Variants in GABRG2 observed in about 807,000 individuals in gnomAD.
The protein encoded by GABRG2 is gamma-aminobutyric acid receptor subunit gamma-2.
In GABRG2, 16 loss-of-function variants were observed where a neutral mutation model predicts 56.4. The observed-to-expected ratio is 0.28, with a 90% confidence interval of 0.19 to 0.43. GABRG2 has a LOEUF of 0.43. GABRG2 is among the 20% of genes least tolerant of loss of function. The probability of loss-of-function intolerance (pLI) is 1.00; values close to 1 mark genes in which losing one functional copy is unlikely to be tolerated. For synonymous variants in GABRG2, 208 were observed against 205.5 expected, an observed-to-expected ratio of 1.01 and a Z score of -0.10; for missense variants, 327 against 582.7, an observed-to-expected ratio of 0.56 and a Z score of 4.52.
intron 4 of GABRG2, 88 bp from the exon 5 acceptor site, chr5:162,101,147 C>T: frequency 1.1e-6 from 1 of 903,174 alleles, no homozygotes; most frequent in Non-Finnish European, 1.8e-6. Context: ...GAGATATTCT[C>T]TAGAAAAACA....
In GABRG2 at chr5:162,124,570, G is replaced by T. The variant is rs1763193364; in HGVS notation, c.770-17594G>T. The stretch of plus-strand genomic sequence containing the variant: ...TTTTGTTTTTTGATTTTGTTTGTTT[G>T]TTTGTTTGTTTTCCTCCAGGGTGGA... On this transcript the variant is annotated intron_variant, in intron 6 of 9. Transcript: ENST00000639213. Among the ~76,000 whole-genome samples, 3 of 151,834 alleles carry T rather than the reference G, an allele frequency of 2.0e-5. No individual in the cohort carries two copies. In the South Asian group the frequency reaches 6.2e-4, roughly 32 times the overall value.
chr5:162,133,459 CAT>C (rs1398171909), intron 6 of GABRG2, among the ~76,000 whole-genome samples: 1 of 152,024 alleles, frequency 6.6e-6, no homozygotes, highest in African/African-American at 2.4e-5. Context: ...TTATGTAAAA[CAT>C]GTTTTAATAT....
chr5:162,108,441 C>T (rs939596329), intron 6 of GABRG2, among the ~76,000 whole-genome samples: 2 of 152,162 alleles, frequency 1.3e-5, no homozygotes, highest in African/African-American at 4.8e-5. Context: ...CACATTGAAT[C>T]TCAATCTCTT....
chr5:162,114,845 A>G (rs747708965), intron 6 of GABRG2, among the ~76,000 whole-genome samples: 1 of 152,178 alleles, frequency 6.6e-6, no homozygotes, highest in African/African-American at 2.4e-5. Flanking sequence ...AGTTCTATAT[A>G]TGGACATCTG....
chr5:162,118,157 T>C (rs1762748649), intron 6 of GABRG2, among the ~76,000 whole-genome samples: 1 of 151,742 alleles, frequency 6.6e-6, no homozygotes, highest in South Asian at 2.1e-4. Flanking sequence ...GGTAGTTTTA[T>C]CAAGGAAAAA....
chr5:162,069,486 G>A (rs1045150277), intron 1 of GABRG2, among the ~76,000 whole-genome samples: 2 of 152,150 alleles, frequency 1.3e-5, no homozygotes, highest in Non-Finnish European at 2.9e-5. Flanking sequence ...TTGAAACTAG[G>A]CAACTTCTCT....
In GABRG2 at chr5:162,120,321, C is replaced by G. The variant is rs368452450; in HGVS notation, c.769+16295C>G. On this transcript the variant is annotated intron_variant, in intron 6 of 9. Coordinates refer to ENST00000639213, the MANE Select transcript of GABRG2 (RefSeq NM_198904.4). ...GTTGTGTCCAACAATTCCATCTTCC[C>G]TCATTCTCTCAGGGGTTCTTTCTGA... Among the ~76,000 whole-genome samples, 504 of 152,162 alleles carry G rather than the reference C, an allele frequency of 3.3e-3. 5 individuals are homozygous for G. Among genetic ancestry groups the G allele is most frequent in the African/African-American group, 0.011 (469 of 41,518 alleles).
intron 1 of GABRG2, among the ~76,000 whole-genome samples, chr5:162,070,491 T>C (rs1174517736): frequency 6.6e-6 from 1 of 152,004 alleles, no homozygotes; most frequent in Non-Finnish European, 1.5e-5. Flanking sequence ...AATAATACTT[T>C]TGTGGTAGAC....
At chr5:162,100,198 A>T (rs1039403554) in intron 4 of GABRG2, 2 of 152,134 alleles carry the variant, frequency 1.3e-5, no homozygotes, top group Non-Finnish European at 2.9e-5. Context: ...CCAGTGCTTC[A>T]TAGTTAATTA....
chr5:162,149,588 G>A (rs1191421175), intron 8 of GABRG2: 2 of 750,438 alleles, frequency 2.7e-6, no homozygotes, highest in Admixed American at 3.4e-5. Flanking sequence ...TGAGAAATGT[G>A]ACCTTCTTCT....
At chr5:162,142,718 G>A in intron 7 of GABRG2, 1 of 322,438 alleles carries the variant, frequency 3.1e-6, no homozygotes, top group Admixed American at 4.4e-5. Flanking sequence ...ATGCACATAG[G>A]AAGGGGAACA....
chr5:162,107,089 A>C (rs937886980), intron 6 of GABRG2, among the ~76,000 whole-genome samples: 2 of 152,114 alleles, frequency 1.3e-5, no homozygotes, highest in African/African-American at 4.8e-5. Flanking sequence ...CCCACTTACA[A>C]GTGAGAACAT....
At chr5:162,137,758 C>T (rs1764241108) in intron 6 of GABRG2, among the ~76,000 whole-genome samples, 1 of 151,814 alleles carries the variant, frequency 6.6e-6, no homozygotes, top group Non-Finnish European at 1.5e-5. Context: ...CAAAGTCTCA[C>T]TCTGTCACCC....
chr5:162,092,917 G>A (rs1760714652), intron 1 of GABRG2, among the ~76,000 whole-genome samples: 1 of 152,076 alleles, frequency 6.6e-6, no homozygotes, highest in South Asian at 2.1e-4. Flanking sequence ...TGTGTGTGTT[G>A]CCCCTGGATC....
rs750592610 is a variant in GABRG2, at chr5:162,151,725, C to A, written c.1129-5C>A. On this transcript the variant is annotated splice_region_variant and splice_polypyrimidine_tract_variant and intron_variant, in intron 8 of 9. Transcript: ENST00000639213. ...CAATTCTCTTTTCTGTCTACAAACC[C>A]AAAGCTTCTTCGGATGTTTTCCTTC... is the stretch of plus-strand genomic sequence containing the variant. 1.2e-6 allele frequency: 2 copies of A among 1,610,348 alleles called. No homozygotes were observed. Among genetic ancestry groups the A allele is most frequent in the Non-Finnish European group, 1.7e-6 (2 of 1,178,092 alleles).
intron 1 of GABRG2, among the ~76,000 whole-genome samples, chr5:162,082,383 C>T (rs1194863510): frequency 6.6e-6 from 1 of 151,728 alleles, no homozygotes; most frequent in East Asian, 1.9e-4. Context: ...AAGATCTAAA[C>T]TTGTAAATCT....
At chr5:162,072,719 A>C (rs1041842559) in intron 1 of GABRG2, among the ~76,000 whole-genome samples, 6 of 151,970 alleles carry the variant, frequency 3.9e-5, no homozygotes, top group African/African-American at 1.4e-4. Flanking sequence ...ACATACACAG[A>C]CACAATCCTG....
intron 6 of GABRG2, among the ~76,000 whole-genome samples, chr5:162,123,508 A>G (rs575119808): frequency 6.6e-6 from 1 of 152,020 alleles, no homozygotes; most frequent in East Asian, 1.9e-4. Flanking sequence ...ACAAATAAAA[A>G]AATTTAGTTG....
At chr5:162,073,935 C>A (rs1758877433) in intron 1 of GABRG2, among the ~76,000 whole-genome samples, 1 of 151,720 alleles carries the variant, frequency 6.6e-6, no homozygotes, top group Admixed American at 6.6e-5. Context: ...AGTTAAGACC[C>A]CCTCCTTGAA....
Sources: allele counts gnomAD v4.1 joint callset (sites outside exome capture counted in the v4.1 genomes callset), GRCh38; gene constraint gnomAD v4.1.1; transcripts MANE v1.5; gene names NCBI Gene and HGNC (gene_info 2026-07-23, HGNC 2026-07-21).